Variants in GON4L observed in about 807,000 individuals in gnomAD.
GON4L encodes gon-4 like.
Under a neutral mutation model 211.8 loss-of-function variants are expected in GON4L, and 87 were observed. The ratio of observed to expected loss-of-function variants is 0.41; its 90% CI spans 0.35 to 0.49. The LOEUF is 0.49. Ranked by LOEUF, GON4L falls within the 20% of genes least tolerant of loss-of-function variation. The pLI, the probability that GON4L is intolerant of heterozygous loss-of-function variation, is 0.15. For synonymous variants in GON4L, 875 were observed against 962.6 expected, an observed-to-expected ratio of 0.91 and a Z score of 1.68; for missense variants, 2,155 against 2,659.5, an observed-to-expected ratio of 0.81 and a Z score of 4.17.
chr1:155,833,754 G>GGAGGAGA (rs1670030309), intron 2 of GON4L, among the ~76,000 whole-genome samples: 1 of 29,938 alleles, frequency 3.3e-5, no homozygotes, highest in Admixed American at 4.1e-4. Flanking sequence ...AGAGGAGGAG[G>GGAGGAGA]GGAGGAAGGG....
intron 3 of GON4L, among the ~76,000 whole-genome samples, chr1:155,826,245 G>A (rs933243437): frequency 6.6e-6 from 1 of 151,442 alleles, no homozygotes; most frequent in South Asian, 2.1e-4. Context: ...ATGTACACAC[G>A]ATTCCATTCA....
intron 23 of GON4L, 28 bp from the exon 24 acceptor site, chr1:155,760,669 C>T (rs767170687): frequency 2.7e-6 from 4 of 1,502,528 alleles, no homozygotes; most frequent in African/African-American, 1.4e-5. Context: ...CAATCATCAA[C>T]ACCCTTTATT....
At chr1:155,806,446 C>G (rs1667137327) in intron 10 of GON4L, among the ~76,000 whole-genome samples, 1 of 151,728 alleles carries the variant, frequency 6.6e-6, no homozygotes, top group Non-Finnish European at 1.5e-5. Context: ...CCATACTCAG[C>G]TAATTTTTTT....
chr1:155,835,608 C>A (rs2102377770), intron 2 of GON4L, among the ~76,000 whole-genome samples: 1 of 152,168 alleles, frequency 6.6e-6, no homozygotes, highest in African/African-American at 2.4e-5. Context: ...GGTATGGGGA[C>A]CCTCATGGGC....
At chr1:155,845,391 T>C in intron 2 of GON4L, 1 of 300,444 alleles carries the variant, frequency 3.3e-6, no homozygotes, top group Non-Finnish European at 6.7e-6. Flanking sequence ...GACCTGGTGG[T>C]GCAGAAGGTG....
chr1:155,855,979 CAAAAAAAAA>C (rs755007254), intron 1 of GON4L, among the ~76,000 whole-genome samples: 13 of 23,698 alleles, frequency 5.5e-4, no homozygotes, highest in Admixed American at 2.8e-3. Context: ...GAGACTCTGT[CAAAAAAAAA>C]AAAAAAAAAA....
chr1:155,856,932 A>G (rs939611941), intron 1 of GON4L, among the ~76,000 whole-genome samples: 5 of 152,112 alleles, frequency 3.3e-5, no homozygotes, highest in African/African-American at 1.2e-4. Context: ...GCCCTCTCCT[A>G]GGAAAACATT....
At position 155,763,299 on chromosome 1, in the gene GON4L, T is replaced by C. The variant is rs763002855; in HGVS notation, c.4726+13A>G. ...GTGAGAATGGTCCTTCAGTATAGGT[T>C]TGCCTAGCTCACCTGGTGGAGTTCT... On this transcript the variant is annotated intron_variant, in intron 22 of 31. Coordinates refer to ENST00000368331, the MANE Select transcript of GON4L (RefSeq NM_001282860.2). 1 of 1,613,396 alleles carries C rather than the reference T, an allele frequency of 6.2e-7. No individual in the cohort carries two copies. The highest frequency in any genetic ancestry group is 8.5e-7 in the Non-Finnish European group (1 of 1,179,406).
chr1:155,830,256 G>T (rs147963570), intron 2 of GON4L, among the ~76,000 whole-genome samples: 18 of 149,558 alleles, frequency 1.2e-4, no homozygotes, highest in Non-Finnish European at 3.0e-5. Flanking sequence ...GCCCTGCAGG[G>T]ACAGTTTTAA....
chr1:155,785,679 G>A (rs973762044), intron 12 of GON4L, among the ~76,000 whole-genome samples: 7 of 152,056 alleles, frequency 4.6e-5, no homozygotes, highest in African/African-American at 1.7e-4. Flanking sequence ...TTGTAGAGAT[G>A]AGGGTTCACC....
chr1:155,757,384 A>T, intron 25 of GON4L, 61 bp from the exon 26 acceptor site: 2 of 1,429,044 alleles, frequency 1.4e-6, no homozygotes, highest in Non-Finnish European at 1.9e-6. Context: ...TGCCCTTCCC[A>T]ATCAATCCCA....
chr1:155,818,991 C>T (rs1371071550), intron 6 of GON4L, among the ~76,000 whole-genome samples: 1 of 147,028 alleles, frequency 6.8e-6, no homozygotes, highest in Non-Finnish European at 1.5e-5. Flanking sequence ...GAGTGAGACT[C>T]CATCTCAAAA....
At chr1:155,778,870 C>CA (rs1393227732) in intron 14 of GON4L, among the ~76,000 whole-genome samples, 1 of 152,126 alleles carries the variant, frequency 6.6e-6, no homozygotes, top group Non-Finnish European at 1.5e-5. Context: ...CTGAAACGGA[C>CA]ATGATATCAT....
intron 2 of GON4L, chr1:155,846,009 T>G (rs183909301): frequency 1.5e-5 from 3 of 205,530 alleles, no homozygotes; most frequent in Non-Finnish European, 3.2e-5. Context: ...CTGGAAAAAG[T>G]TGCCACAGGC....
intron 1 of GON4L, among the ~76,000 whole-genome samples, chr1:155,856,221 TTCTC>T (rs138363426): frequency 2.0e-5 from 3 of 150,814 alleles, no homozygotes; most frequent in South Asian, 2.1e-4. Flanking sequence ...TTTTCTTTCT[TTCTC>T]TCTCTCTCTC....
chr1:155,853,644 G>A lies in GON4L; in HGVS notation c.137C>T (p.Ser46Leu). The A allele has an allele frequency of 6.2e-7, 1 of 1,614,152 alleles. No individual in the cohort carries two copies. The highest frequency in any genetic ancestry group is 8.5e-7 in the Non-Finnish European group (1 of 1,179,992). ...GCCATGACTTGGATCCCAGGATAGT[G>A]ACACCGAACTCAAGTCCTTAACCTG... ...SDQVKDLSSV[S>L]LSWDPSHGRV... The change falls in exon 2 of 32, where the codon TCA becomes TTA. Residue 46 changes from serine to leucine, a missense_variant. This residue lies in a region of GON4L where 313 missense variants were observed against 293.2 expected (regional missense o/e 1.07). Transcript: ENST00000368331.
At chr1:155,787,367 G>A (rs576724274) in intron 12 of GON4L, among the ~76,000 whole-genome samples, 1 of 152,238 alleles carries the variant, frequency 6.6e-6, no homozygotes, top group East Asian at 1.9e-4. Flanking sequence ...CTCCAAAACG[G>A]GGCTCATAAC....
chr1:155,766,404 G>A lies in GON4L; in HGVS notation c.3069C>T (p.Ala1023=), dbSNP rs200264614. ...GAGGGGCTTCTGAATGAGTTGATCG[G>A]GCTGGTGTTTTCCCAGGGTTGAAGC... is the stretch of plus-strand genomic sequence containing the variant. ...QPSFNPGKTP[A]RSTHSEAPPS... Residue 1023 remains alanine, a synonymous_variant, in exon 21 of 32, where the codon GCC becomes GCT. Coordinates refer to ENST00000368331, the MANE Select transcript of GON4L (RefSeq NM_001282860.2). 70 of 1,614,114 alleles carry A rather than the reference G, an allele frequency of 4.3e-5. No individual in the cohort carries two copies. The East Asian group carries it at 1.4e-3, about 33-fold the overall frequency.
chr1:155,787,390 CAT>C (rs1442786064), intron 12 of GON4L, among the ~76,000 whole-genome samples: 4 of 152,102 alleles, frequency 2.6e-5, no homozygotes, highest in Non-Finnish European at 5.9e-5. Flanking sequence ...ACAAGGCAAA[CAT>C]ATCACTGAAC....
Sources: allele counts gnomAD v4.1 joint callset (sites outside exome capture counted in the v4.1 genomes callset), GRCh38; gene constraint gnomAD v4.1.1; regional missense constraint gnomAD v4.1.1; transcripts MANE v1.5; gene names NCBI Gene and HGNC (gene_info 2026-07-23, HGNC 2026-07-21).